Variants in SMURF2 observed in about 807,000 individuals in gnomAD.
The protein encoded by SMURF2 is SMAD specific E3 ubiquitin protein ligase 2.
A neutral mutation model predicts 109.6 loss-of-function variants in SMURF2; 48 were observed. The observed-to-expected ratio is 0.44, with a 90% CI of 0.35 to 0.56. The LOEUF (loss-of-function observed/expected upper bound fraction) is 0.56. Ranked by LOEUF, SMURF2 falls within the 20% of genes least tolerant of loss-of-function variation. The pLI is 0.01. For missense variants in SMURF2, 575 were observed against 909.0 expected (o/e 0.63, Z 4.72); for synonymous variants, 288 against 317.1 (o/e 0.91, Z 0.97).
At chr17:64,603,584 A>G (rs781932360) in intron 2 of SMURF2, among the ~76,000 whole-genome samples, 8,727 of 129,768 alleles carry the variant, frequency 0.067, 409 homozygotes, top group African/African-American at 0.18. Context: ...CCGTCGGGGG[A>G]AAAAAAAAAA....
chr17:64,593,360 T>C, intron 4 of SMURF2, 80 bp downstream of exon 4: 1 of 1,273,590 alleles, frequency 7.9e-7, no homozygotes, highest in South Asian at 2.2e-5. Flanking sequence ...ATAGTGCATG[T>C]ATATATGTAT....
intron 3 of SMURF2, among the ~76,000 whole-genome samples, chr17:64,596,696 G>C (rs782021675): frequency 1.3e-5 from 2 of 150,700 alleles, no homozygotes; most frequent in Non-Finnish European, 2.9e-5. Flanking sequence ...GTGGGTCTTA[G>C]AGAACCATCA....
intron 2 of SMURF2, 80 bp downstream of exon 2, chr17:64,606,522 C>G: frequency 1.0e-6 from 1 of 998,460 alleles, no homozygotes; most frequent in East Asian, 2.7e-5. Flanking sequence ...AATAGAGAAA[C>G]CCCTAAACCA....
intron 10 of SMURF2, among the ~76,000 whole-genome samples, chr17:64,566,210 T>C (rs1381848880): frequency 6.6e-6 from 1 of 151,890 alleles, no homozygotes; most frequent in East Asian, 1.9e-4. Context: ...AAATTAACTG[T>C]TATAATTTAA....
At chr17:64,606,000 T>C (rs1277509053) in intron 2 of SMURF2, among the ~76,000 whole-genome samples, 1 of 151,488 alleles carries the variant, frequency 6.6e-6, no homozygotes, top group Admixed American at 6.6e-5. Context: ...GATTGTAATA[T>C]ACATGCTGGG....
At chr17:64,577,167 T>C (rs1166883360) in intron 9 of SMURF2, among the ~76,000 whole-genome samples, 2 of 152,030 alleles carry the variant, frequency 1.3e-5, no homozygotes, top group Non-Finnish European at 2.9e-5. Flanking sequence ...CACCCAAATG[T>C]CCATCAATGA....
intron 1 of SMURF2, among the ~76,000 whole-genome samples, chr17:64,653,378 A>C (rs143547513): frequency 6.6e-6 from 1 of 152,290 alleles, no homozygotes; most frequent in African/African-American, 2.4e-5. Flanking sequence ...GCTAAAATCA[A>C]AGACAGTATC....
chr17:64,619,284 C>T (rs1044566936), intron 1 of SMURF2, among the ~76,000 whole-genome samples: 2 of 151,846 alleles, frequency 1.3e-5, no homozygotes, highest in Non-Finnish European at 2.9e-5. Flanking sequence ...CGAGACCAGC[C>T]TGGCTAACAT....
At chr17:64,566,649 G>T (rs140282390) in intron 10 of SMURF2, among the ~76,000 whole-genome samples, 7,009 of 126,456 alleles carry the variant, frequency 0.055, 273 homozygotes, top group Admixed American at 0.17. Context: ...TCCGCTCACT[G>T]CAACCTCCGC....
At chr17:64,585,930 G>A (rs574877087) in intron 6 of SMURF2, among the ~76,000 whole-genome samples, 156 bp downstream of exon 6, 1 of 152,152 alleles carries the variant, frequency 6.6e-6, no homozygotes, top group East Asian at 1.9e-4. Flanking sequence ...TAAATTTGTC[G>A]AGACAAGATC....
Position 64,581,080 on chromosome 17 carries a change from C to CCA in SMURF2, c.570-91_570-90dup, listed in dbSNP as rs1243367076. 14 of 1,128,850 alleles carry CCA rather than the reference C, an allele frequency of 1.2e-5. No homozygotes were observed. The African/African-American group carries it at 2.2e-4, about 18-fold the overall frequency. The allele number at this position is 1,128,850 out of a possible 1,614,324, so 69.9% of individuals were successfully genotyped here. A position where few individuals can be genotyped will look rare whatever the true frequency, so the allele number is the denominator to read the frequency against. ...CAATATATATATACTGCAGTAACAA[C>CCA]CACTTATCATGTCTGAAAACAGAAT... On this transcript the variant is annotated intron_variant, in intron 7 of 18. Transcript: ENST00000262435. The surrounding 1 kb of genome is among the most constrained non-coding windows in gnomAD (Gnocchi z 4.3).
chr17:64,622,467 T>C (rs1298728461), intron 1 of SMURF2, among the ~76,000 whole-genome samples: 1 of 152,224 alleles, frequency 6.6e-6, no homozygotes, highest in African/African-American at 2.4e-5. Flanking sequence ...CTTGTGGCTG[T>C]AATAGTTTCT....
chr17:64,621,982 TAATAA>T (rs1284407134), intron 1 of SMURF2, among the ~76,000 whole-genome samples: 1 of 144,574 alleles, frequency 6.9e-6, no homozygotes, highest in African/African-American at 2.5e-5. Context: ...ATAATAATAA[TAATAA>T]AAAAAAGCAC....
In SMURF2 at chr17:64,568,346, G is replaced by A. The variant is rs114931842; in HGVS notation, c.1016+3452C>T. On this transcript the variant is annotated intron_variant, in intron 10 of 18. Coordinates refer to ENST00000262435, the MANE Select transcript of SMURF2 (RefSeq NM_022739.4). ...CTTGTTTTGGGCCACACTGAAAGCC[G>A]TCCTGGGCCCAGCCTAAGGGCCGTG... 9.1e-3 allele frequency among the ~76,000 whole-genome samples: 1,392 copies of A among 152,198 alleles called. 18 individuals are homozygous for A. Among genetic ancestry groups the A allele is most frequent in the African/African-American group, 0.032 (1,325 of 41,540 alleles).
Position 64,661,968 on chromosome 17 carries a change from G to A in SMURF2, c.-88C>T. ...GAGTCACCACAGCGGCCGGGGCTGG[G>A]GCCCGAGCAGCCGGCGCCTCGGCCG... On this transcript the variant is annotated 5_prime_UTR_variant, in exon 1 of 19. Coordinates refer to ENST00000262435, the MANE Select transcript of SMURF2 (RefSeq NM_022739.4). 1 of 1,126,422 alleles carries A rather than the reference G, an allele frequency of 8.9e-7. No homozygotes were observed. Among genetic ancestry groups the A allele is most frequent in the Non-Finnish European group, 1.1e-6 (1 of 920,868 alleles). 69.8% of individuals were successfully genotyped at this position (1,126,422 alleles called of 1,614,324 possible). A position where few individuals can be genotyped will look rare whatever the true frequency, so the allele number is the denominator to read the frequency against.
intron 10 of SMURF2, among the ~76,000 whole-genome samples, chr17:64,569,686 C>CA (rs1204351530): frequency 1.3e-5 from 2 of 152,194 alleles, no homozygotes; most frequent in East Asian, 1.9e-4. Context: ...TGAAGTCCAA[C>CA]AACAGCAAGT....
intron 14 of SMURF2, 65 bp from the exon 15 acceptor site, chr17:64,555,058 T>C: frequency 7.0e-7 from 1 of 1,432,784 alleles, no homozygotes; most frequent in Non-Finnish European, 9.5e-7. Flanking sequence ...ATAGATGTAT[T>C]AATTGGTGAG....
intron 1 of SMURF2, among the ~76,000 whole-genome samples, chr17:64,646,688 A>G (rs558758019): frequency 1.3e-5 from 2 of 152,216 alleles, no homozygotes; most frequent in African/African-American, 4.8e-5. Context: ...GGCCCTATAA[A>G]AATTATTTTT....
chr17:64,547,470 G>A lies in SMURF2; in HGVS notation c.2071+130C>T. ...AGGAGGGAGAAGAAGGTATCACAATGTGAGAGTCACAGATAAGAAGTGAAA... is the reference window on the plus strand; with the variant it reads ...AGGAGGGAGAAGAAGGTATCACAATATGAGAGTCACAGATAAGAAGTGAAA... On this transcript the variant is annotated intron_variant, in intron 17 of 18. Transcript: ENST00000262435. The surrounding 1 kb of genome is among the most constrained non-coding windows in gnomAD (Gnocchi z 4.2). 2.7e-6 allele frequency: 2 copies of A among 748,088 alleles called. No homozygotes were observed. The highest frequency in any genetic ancestry group is 4.4e-6 in the Non-Finnish European group (2 of 456,078). 46.3% of individuals were successfully genotyped at this position (748,088 alleles called of 1,614,324 possible).
Sources: gnomAD v4.1 joint callset for allele counts (sites outside exome capture counted in the v4.1 genomes callset) on GRCh38, gnomAD v4.1.1 for gene constraint, Gnocchi (gnomAD v3.1) non-coding constraint, MANE v1.5 for transcripts, NCBI Gene and HGNC (gene_info 2026-07-23, HGNC 2026-07-21) for gene names.